SH3GL2: variants seen among roughly 807,000 people sequenced by gnomAD.
SH3GL2 encodes the protein SH3 domain containing GRB2 like 2, endophilin A1.
Under a neutral mutation model 46.0 loss-of-function variants are expected in SH3GL2, and 24 were observed. That is an observed-to-expected ratio of 0.52 (90% CI 0.38 to 0.73). SH3GL2 has a LOEUF of 0.73. Among genes scored for constraint, SH3GL2 ranks in the 30% least tolerant of loss-of-function variants. The pLI is 0.00. For missense variants in SH3GL2, 413 were observed against 424.2 expected (o/e 0.97, Z 0.23); for synonymous variants, 196 against 147.1 (o/e 1.33, Z -2.40).
At chr9:17,789,702 C>G (rs1824068062) in intron 6 of SH3GL2, 152 bp downstream of exon 6, 1 of 1,388,242 alleles carries the variant, frequency 7.2e-7, no homozygotes, top group African/African-American at 1.5e-5. Flanking sequence ...AATTGTCAGT[C>G]ATAAAGTAGA....
chr9:17,604,000 T>C (rs1818716542), intron 1 of SH3GL2, among the ~76,000 whole-genome samples: 1 of 152,160 alleles, frequency 6.6e-6, no homozygotes, highest in Admixed American at 6.5e-5. Flanking sequence ...GAAAAAAGGG[T>C]GAGTCAGTCT....
chr9:17,601,386 G>C (rs781452969), intron 1 of SH3GL2, among the ~76,000 whole-genome samples: 2 of 152,118 alleles, frequency 1.3e-5, no homozygotes, highest in Non-Finnish European at 1.5e-5. Flanking sequence ...ATAGTTGAGT[G>C]TAATTCATGA....
intron 1 of SH3GL2, among the ~76,000 whole-genome samples, chr9:17,696,621 A>G (rs1821209711): frequency 6.6e-6 from 1 of 152,118 alleles, no homozygotes; most frequent in Non-Finnish European, 1.5e-5. Flanking sequence ...GCCCCTTAAA[A>G]AACCATCAGA....
chr9:17,779,662 T>G (rs16935982), intron 3 of SH3GL2, among the ~76,000 whole-genome samples: 1,946 of 152,306 alleles, frequency 0.013, 49 homozygotes, highest in African/African-American at 0.043. Context: ...AAAACTGTTC[T>G]TGAATTTTGT....
intron 2 of SH3GL2, among the ~76,000 whole-genome samples, chr9:17,759,754 T>C (rs1254675419): frequency 6.6e-6 from 1 of 152,164 alleles, no homozygotes; most frequent in Non-Finnish European, 1.5e-5. Context: ...CAAACAGCCA[T>C]TGGAAAATTT....
At chr9:17,610,231 A>G (rs1262649693) in intron 1 of SH3GL2, among the ~76,000 whole-genome samples, 5 of 152,204 alleles carry the variant, frequency 3.3e-5, no homozygotes, top group African/African-American at 1.2e-4. Flanking sequence ...AGTAAGTGAT[A>G]GCTTCCTTTC....
chr9:17,584,461 C>T (rs949515498), intron 1 of SH3GL2, among the ~76,000 whole-genome samples: 1 of 152,088 alleles, frequency 6.6e-6, no homozygotes, highest in African/African-American at 2.4e-5. Context: ...CAAGATGGTG[C>T]CACTGCACTC....
chr9:17,653,555 C>A (rs1820002936), intron 1 of SH3GL2, among the ~76,000 whole-genome samples: 1 of 152,270 alleles, frequency 6.6e-6, no homozygotes. Context: ...CTGGACTCAT[C>A]TTTAATTCCT....
At chr9:17,732,797 A>C (rs1162490514) in intron 1 of SH3GL2, among the ~76,000 whole-genome samples, 1 of 152,162 alleles carries the variant, frequency 6.6e-6, no homozygotes, top group Non-Finnish European at 1.5e-5. Flanking sequence ...AGCTTTTAGC[A>C]ATATAAACAG....
chr9:17,638,130 C>G (rs1393315337), intron 1 of SH3GL2, among the ~76,000 whole-genome samples: 1 of 150,400 alleles, frequency 6.6e-6, no homozygotes, highest in Admixed American at 6.6e-5. Flanking sequence ...GCACTCCAGC[C>G]TGGGCGACAG....
chr9:17,721,222 A>G (rs1821887083), intron 1 of SH3GL2, among the ~76,000 whole-genome samples: 1 of 152,072 alleles, frequency 6.6e-6, no homozygotes, highest in African/African-American at 2.4e-5. Context: ...GAAAATTAAC[A>G]TCGAAATGGC....
At chr9:17,759,902 G>C (rs1311745463) in intron 2 of SH3GL2, among the ~76,000 whole-genome samples, 1 of 152,088 alleles carries the variant, frequency 6.6e-6, no homozygotes, top group Non-Finnish European at 1.5e-5. Flanking sequence ...ATCTACATTT[G>C]TACTTCTATC....
chr9:17,650,603 C>A (rs553304250), intron 1 of SH3GL2, among the ~76,000 whole-genome samples: 134 of 152,156 alleles, frequency 8.8e-4, no homozygotes, highest in African/African-American at 2.9e-3. Context: ...CTGATCCGCC[C>A]GCTTCAGCCT....
At chr9:17,759,642 C>T (rs1346567365) in intron 2 of SH3GL2, among the ~76,000 whole-genome samples, 3 of 152,032 alleles carry the variant, frequency 2.0e-5, no homozygotes, top group Non-Finnish European at 4.4e-5. Context: ...TTCTGACAAA[C>T]AGAAGACAGC....
At chr9:17,692,206 G>T (rs989793988) in intron 1 of SH3GL2, among the ~76,000 whole-genome samples, 1 of 151,864 alleles carries the variant, frequency 6.6e-6, no homozygotes, top group Admixed American at 6.6e-5. Flanking sequence ...GGATATGGGG[G>T]ACAGCAAGGT....
In SH3GL2 at chr9:17,620,333, A is replaced by C. The variant is rs544366212; in HGVS notation, c.45+41046A>C. On this transcript the variant is annotated intron_variant, in intron 1 of 8. Transcript: ENST00000380607. ...TGCACTGGGTATCCAGTGAGGAACA[A>C]GTGTATAAAAGGAAAAATAGCAAAT... is the stretch of plus-strand genomic sequence containing the variant. Among the ~76,000 whole-genome samples the C allele has an allele frequency of 7.9e-5, 12 of 152,342 alleles. No homozygotes were observed. The South Asian group carries it at 2.3e-3, about 29-fold the overall frequency.
chr9:17,583,338 T>C (rs1225217985), intron 1 of SH3GL2, among the ~76,000 whole-genome samples: 1 of 152,172 alleles, frequency 6.6e-6, no homozygotes, highest in East Asian at 1.9e-4. Flanking sequence ...AAATGGGGCC[T>C]TTAGGAGGTG....
chr9:17,686,330 C>T (rs1447485757), intron 1 of SH3GL2, among the ~76,000 whole-genome samples: 3 of 135,174 alleles, frequency 2.2e-5, no homozygotes, highest in Non-Finnish European at 4.7e-5. Context: ...AACACTTTTA[C>T]ACTGTTGGTG....
At chr9:17,630,659 A>C (rs1001108872) in intron 1 of SH3GL2, among the ~76,000 whole-genome samples, 2 of 152,230 alleles carry the variant, frequency 1.3e-5, no homozygotes, top group Admixed American at 6.5e-5. Flanking sequence ...GTGGGACCAG[A>C]GACTAGGGCA....
Sources: gnomAD v4.1 joint callset for allele counts (sites outside exome capture counted in the v4.1 genomes callset) on GRCh38, gnomAD v4.1.1 for gene constraint, MANE v1.5 for transcripts, NCBI Gene and HGNC (gene_info 2026-07-23, HGNC 2026-07-21) for gene names.